ARHGAP15: variants seen among roughly 807,000 people sequenced by gnomAD.
ARHGAP15 encodes the protein rho GTPase-activating protein 15.
Under a neutral mutation model 63.7 loss-of-function variants are expected in ARHGAP15, and 51 were observed. The ratio of observed to expected loss-of-function variants is 0.80; its 90% confidence interval spans 0.64 to 1.01. The LOEUF (loss-of-function observed/expected upper bound fraction) is 1.01. Among genes scored for constraint, ARHGAP15 ranks in the 50% least tolerant of loss-of-function variants. ARHGAP15 has a pLI of 0.00. For synonymous variants in ARHGAP15, 191 were observed against 193.8 expected, an observed-to-expected ratio of 0.99 and a Z score of 0.12; for missense variants, 560 against 564.6, an observed-to-expected ratio of 0.99 and a Z score of 0.08.
At chr2:143,500,245 T>A (rs1435924581) in intron 9 of ARHGAP15, among the ~76,000 whole-genome samples, 4 of 149,630 alleles carry the variant, frequency 2.7e-5, no homozygotes, top group Non-Finnish European at 5.9e-5. Flanking sequence ...TTTTATATAT[T>A]TTTATATATA....
chr2:143,452,657 ATTT>A (rs377089210), intron 8 of ARHGAP15, among the ~76,000 whole-genome samples: 17 of 137,016 alleles, frequency 1.2e-4, no homozygotes, highest in Admixed American at 1.5e-4. Context: ...GCCCCTTTGG[ATTT>A]TTTTTTTTTT....
intron 9 of ARHGAP15, among the ~76,000 whole-genome samples, chr2:143,508,726 G>T (rs1314396204): frequency 7.1e-5 from 2 of 28,080 alleles, no homozygotes; most frequent in South Asian, 1.2e-3. Context: ...AGAATTTCAT[G>T]CGCACAGTGT....
At chr2:143,525,239 C>T (rs1259024796) in intron 10 of ARHGAP15, among the ~76,000 whole-genome samples, 2 of 151,782 alleles carry the variant, frequency 1.3e-5, no homozygotes, top group Non-Finnish European at 2.9e-5. Flanking sequence ...TGATGAGATT[C>T]TTGAAAACTT....
chr2:143,408,359 T>A (rs1363494018), intron 6 of ARHGAP15, among the ~76,000 whole-genome samples: 1 of 151,400 alleles, frequency 6.6e-6, no homozygotes, highest in Non-Finnish European at 1.5e-5. Context: ...CGCTTTTCTA[T>A]ATCTGGACTT....
At chr2:143,208,800 G>A (rs1370635215) in intron 3 of ARHGAP15, among the ~76,000 whole-genome samples, 3 of 152,066 alleles carry the variant, frequency 2.0e-5, no homozygotes, top group Non-Finnish European at 4.4e-5. Context: ...AAAGAACCCT[G>A]TTTATAACAT....
At chr2:143,592,291 A>G (rs1697351601) in intron 11 of ARHGAP15, among the ~76,000 whole-genome samples, 1 of 152,170 alleles carries the variant, frequency 6.6e-6, no homozygotes, top group Non-Finnish European at 1.5e-5. Context: ...CTCCAGTCAA[A>G]CTCTGATCTT....
At chr2:143,560,382 G>A (rs529368292) in intron 11 of ARHGAP15, among the ~76,000 whole-genome samples, 1 of 152,262 alleles carries the variant, frequency 6.6e-6, no homozygotes, top group Admixed American at 6.5e-5. Context: ...ATCCCATAGA[G>A]TAGGCACTAT....
chr2:143,679,194 C>G (rs577068003), intron 12 of ARHGAP15, among the ~76,000 whole-genome samples: 1 of 151,996 alleles, frequency 6.6e-6, no homozygotes, highest in Non-Finnish European at 1.5e-5. Flanking sequence ...TCCTGGGATT[C>G]GGCTCTTAAG....
intron 13 of ARHGAP15, among the ~76,000 whole-genome samples, chr2:143,762,017 A>AT (rs989189320): frequency 6.6e-6 from 1 of 152,268 alleles, no homozygotes; most frequent in Non-Finnish European, 1.5e-5. Flanking sequence ...ATAAAATCAT[A>AT]TTTTTGTCAG....
chr2:143,355,564 G>A (rs1362369479), intron 6 of ARHGAP15, among the ~76,000 whole-genome samples: 5 of 152,058 alleles, frequency 3.3e-5, no homozygotes, highest in African/African-American at 9.7e-5. Context: ...ATTACAGTTA[G>A]CCTAACAATT....
intron 9 of ARHGAP15, among the ~76,000 whole-genome samples, chr2:143,505,973 A>G (rs1693293980): frequency 6.6e-6 from 1 of 152,316 alleles, no homozygotes; most frequent in Non-Finnish European, 1.5e-5. Context: ...AGACTCCATT[A>G]TTGATATTCA....
intron 6 of ARHGAP15, among the ~76,000 whole-genome samples, chr2:143,392,682 A>G (rs1264519962): frequency 6.6e-6 from 1 of 152,188 alleles, no homozygotes; most frequent in Non-Finnish European, 1.5e-5. Context: ...TGGATGAGGT[A>G]TTGAAGAAAC....
chr2:143,230,843 C>T (rs1052465636), intron 5 of ARHGAP15, among the ~76,000 whole-genome samples: 6 of 152,110 alleles, frequency 3.9e-5, no homozygotes, highest in Non-Finnish European at 8.8e-5. Context: ...CTCTTGCACC[C>T]CCTTAGAATT....
At chr2:143,381,487 G>T (rs1687052130) in intron 6 of ARHGAP15, among the ~76,000 whole-genome samples, 1 of 152,120 alleles carries the variant, frequency 6.6e-6, no homozygotes, top group South Asian at 2.1e-4. Context: ...TGTTGTCAGG[G>T]TTAATGTAGA....
intron 6 of ARHGAP15, among the ~76,000 whole-genome samples, chr2:143,324,209 C>G (rs556146064): frequency 6.6e-6 from 1 of 152,116 alleles, no homozygotes. Flanking sequence ...AACAAAGATT[C>G]GTATGTAATC....
At chr2:143,239,432 C>A (rs1693773806) in intron 5 of ARHGAP15, among the ~76,000 whole-genome samples, 2 of 152,092 alleles carry the variant, frequency 1.3e-5, no homozygotes, top group Admixed American at 6.5e-5. Context: ...ACTCTTTGAG[C>A]AACATCTCCC....
intron 12 of ARHGAP15, among the ~76,000 whole-genome samples, chr2:143,668,841 C>A (rs1488326829): frequency 1.3e-5 from 2 of 152,108 alleles, no homozygotes; most frequent in Non-Finnish European, 2.9e-5. Context: ...ATCTAGGCCA[C>A]AAAATTATTC....
At chr2:143,389,742 T>C (rs1687458047) in intron 6 of ARHGAP15, among the ~76,000 whole-genome samples, 1 of 152,166 alleles carries the variant, frequency 6.6e-6, no homozygotes, top group Non-Finnish European at 1.5e-5. Context: ...GAAAGGGTTA[T>C]CTCTGCCAAC....
intron 6 of ARHGAP15, among the ~76,000 whole-genome samples, chr2:143,279,984 G>A (rs1272738032): frequency 6.6e-6 from 1 of 152,130 alleles, no homozygotes; most frequent in African/African-American, 2.4e-5. Flanking sequence ...AGTGGCTGTT[G>A]CTGGGAACAG....
Sources: allele counts gnomAD v4.1 joint callset (sites outside exome capture counted in the v4.1 genomes callset), GRCh38; gene constraint gnomAD v4.1.1; transcripts MANE v1.5; gene names NCBI Gene and HGNC (gene_info 2026-07-23, HGNC 2026-07-21).